The following ADGRL2 variants were observed in gnomAD, a reference collection of about 807,000 sequenced individuals.
The protein encoded by ADGRL2 is adhesion G protein-coupled receptor L2.
A neutral mutation model predicts 157.4 loss-of-function variants in ADGRL2; 44 were observed. The observed-to-expected ratio is 0.28, with a 90% CI of 0.22 to 0.36. ADGRL2 has a LOEUF of 0.36. Ranked by LOEUF, ADGRL2 falls within the 10% of genes least tolerant of loss-of-function variation. The pLI is 1.00. For missense variants in ADGRL2, 1,510 were observed against 1,768.9 expected, an observed-to-expected ratio of 0.85 and a Z score of 2.63; for synonymous variants, 585 against 624.7, an observed-to-expected ratio of 0.94 and a Z score of 0.95.
At chr1:81,538,046 G>A (rs2079789000) in intron 2 of ADGRL2, among the ~76,000 whole-genome samples, 1 of 152,118 alleles carries the variant, frequency 6.6e-6, no homozygotes, top group Non-Finnish European at 1.5e-5. Flanking sequence ...TAAATAAAAT[G>A]TCCTTTCAAA....
intron 3 of ADGRL2, among the ~76,000 whole-genome samples, chr1:81,935,300 G>A (rs1467846703): frequency 6.6e-6 from 1 of 151,752 alleles, no homozygotes; most frequent in Non-Finnish European, 1.5e-5. Context: ...ACAGTATATG[G>A]TATATTTCTA....
chr1:81,406,092 T>G (rs1023987394), intron 1 of ADGRL2, among the ~76,000 whole-genome samples: 1 of 152,156 alleles, frequency 6.6e-6, no homozygotes, highest in Non-Finnish European at 1.5e-5. Flanking sequence ...ATTGCTCTCT[T>G]TACTGAGATC....
In ADGRL2 at chr1:81,943,353, A is replaced by G; in HGVS notation, c.794A>G (p.Lys265Arg). Residue 265 changes from lysine (K) to arginine (R), a missense_variant, in exon 6 of 24, where the codon AAG becomes AGG. By Grantham distance (26) the Lys-to-Arg change is conservative. This residue lies in a region of ADGRL2 where 361 missense variants were observed against 498.4 expected (regional missense o/e 0.72). Transcript: ENST00000686636. The surrounding 1 kb of genome is among the most constrained non-coding windows in gnomAD (Gnocchi z 5.6). ...HDTSPYRWGG[K>R]TDIDLAVDEN... ...ACCTCACCATACAGATGGGGAGGAAAGACTGATATCGACCTAGCAGTTGAT... is the reference window on the plus strand; with the variant it reads ...ACCTCACCATACAGATGGGGAGGAAGGACTGATATCGACCTAGCAGTTGAT... 1 of 1,613,734 alleles carries G rather than the reference A, an allele frequency of 6.2e-7. No homozygotes were observed. Among genetic ancestry groups the G allele is most frequent in the Non-Finnish European group, 8.5e-7 (1 of 1,179,758 alleles).
At chr1:81,886,644 G>A (rs1038160992) in intron 2 of ADGRL2, among the ~76,000 whole-genome samples, 4 of 152,104 alleles carry the variant, frequency 2.6e-5, no homozygotes, top group Non-Finnish European at 5.9e-5. Context: ...CTTTGCAGAT[G>A]TAACTCAGTT....
chr1:81,646,223 G>T (rs2082313060), intron 3 of ADGRL2, among the ~76,000 whole-genome samples: 1 of 152,096 alleles, frequency 6.6e-6, no homozygotes, highest in East Asian at 1.9e-4. Flanking sequence ...AAGTCAAGTG[G>T]TTACTATTCC....
At chr1:81,642,966 C>T (rs1052303375) in intron 3 of ADGRL2, among the ~76,000 whole-genome samples, 18 of 152,130 alleles carry the variant, frequency 1.2e-4, no homozygotes, top group Admixed American at 6.5e-5. Flanking sequence ...AATCCTACAG[C>T]TAACATCTTA....
chr1:81,737,269 T>A (rs140031761), intron 1 of ADGRL2, among the ~76,000 whole-genome samples: 1 of 152,364 alleles, frequency 6.6e-6, no homozygotes, highest in East Asian at 1.9e-4. Context: ...TGACTCACAG[T>A]TCTGCAGGGA....
At chr1:81,501,913 A>G in intron 2 of ADGRL2, 2 of 1,613,694 alleles carry the variant, frequency 1.2e-6, no homozygotes, top group South Asian at 2.2e-5. Context: ...TGTATGCCCA[A>G]AAGCTGGTCA....
chr1:81,722,141 A>C, intron 1 of ADGRL2: 1 of 360,302 alleles, frequency 2.8e-6, no homozygotes, highest in Admixed American at 3.9e-5. Flanking sequence ...AAAATATAAA[A>C]AATTAGCCGG....
intron 1 of ADGRL2, among the ~76,000 whole-genome samples, chr1:81,723,935 T>C (rs963065960): frequency 2.0e-5 from 3 of 152,162 alleles, no homozygotes; most frequent in African/African-American, 7.2e-5. Flanking sequence ...GAGGGAGTAC[T>C]TTTCTTTTTA....
chr1:81,839,954 A>ATTCC (rs1460228477), intron 2 of ADGRL2, among the ~76,000 whole-genome samples: 1 of 111,768 alleles, frequency 8.9e-6, no homozygotes, highest in African/African-American at 2.9e-5. Flanking sequence ...ATATATATAT[A>ATTCC]AATACACACA....
At chr1:81,522,195 C>T (rs975671301) in intron 2 of ADGRL2, among the ~76,000 whole-genome samples, 1 of 152,036 alleles carries the variant, frequency 6.6e-6, no homozygotes, top group Non-Finnish European at 1.5e-5. Flanking sequence ...GAGCTCCTGA[C>T]CTCAGGTGAT....
rs183400723 is a variant in ADGRL2, at chr1:81,466,088, C to T, written c.-248+20999C>T. ...TGTCAGAGAAGTATTGTAAAGTAATCTGCAAGAAGCCAGAAGATAGAATGC... is the reference window on the plus strand; with the variant it reads ...TGTCAGAGAAGTATTGTAAAGTAATTTGCAAGAAGCCAGAAGATAGAATGC... On this transcript the variant is annotated intron_variant, in intron 2 of 24. Coordinates refer to the ADGRL2 transcript ENST00000370721. Among the ~76,000 whole-genome samples, 17 of 152,310 alleles carry T rather than the reference C, an allele frequency of 1.1e-4. No individual in the cohort carries two copies. The East Asian group carries it at 2.9e-3, about 26-fold the overall frequency.
At chr1:81,547,518 G>A (rs551427610) in intron 2 of ADGRL2, among the ~76,000 whole-genome samples, 7 of 152,080 alleles carry the variant, frequency 4.6e-5, no homozygotes, top group Non-Finnish European at 7.4e-5. Flanking sequence ...GGCATTTCCC[G>A]ACTTCTTCCT....
At chr1:81,370,334 T>C (rs1335982358) in intron 1 of ADGRL2, among the ~76,000 whole-genome samples, 1 of 152,162 alleles carries the variant, frequency 6.6e-6, no homozygotes, top group Non-Finnish European at 1.5e-5. Flanking sequence ...ATTAAATCAT[T>C]GTTGGAGATA....
At chr1:81,707,246 G>A (rs2083767093) in intron 1 of ADGRL2, among the ~76,000 whole-genome samples, 1 of 152,092 alleles carries the variant, frequency 6.6e-6, no homozygotes, top group South Asian at 2.1e-4. Flanking sequence ...AAAAAAGGAT[G>A]ACTAAGGCCA....
At chr1:81,340,571 A>G (rs1662000634) in intron 1 of ADGRL2, among the ~76,000 whole-genome samples, 1 of 152,182 alleles carries the variant, frequency 6.6e-6, no homozygotes, top group African/African-American at 2.4e-5. Context: ...TCTATGGCCA[A>G]AACCATCTCT....
intron 1 of ADGRL2, among the ~76,000 whole-genome samples, chr1:81,362,553 C>A (rs2075997135): frequency 6.6e-6 from 1 of 151,838 alleles, no homozygotes; most frequent in African/African-American, 2.4e-5. Context: ...TTTTTAACAA[C>A]TGAAGTTAAT....
At chr1:81,643,282 A>G (rs11163348) in intron 3 of ADGRL2, among the ~76,000 whole-genome samples, 56,423 of 151,922 alleles carry the variant, frequency 0.37, 10,580 homozygotes, top group African/African-American at 0.4. Flanking sequence ...TCACTTCTCA[A>G]TATACCAGCA....
Sources: gnomAD v4.1 joint callset for allele counts (sites outside exome capture counted in the v4.1 genomes callset) on GRCh38, gnomAD v4.1.1 for gene constraint, gnomAD v4.1.1 regional missense constraint, Gnocchi (gnomAD v3.1) non-coding constraint, MANE v1.5 for transcripts, NCBI Gene and HGNC (gene_info 2026-07-23, HGNC 2026-07-21) for gene names.